CIAO1: variants seen among roughly 807,000 people sequenced by gnomAD.
The protein encoded by CIAO1 is probable cytosolic iron-sulfur protein assembly protein CIAO1.
In CIAO1, 32 loss-of-function variants were observed where a neutral mutation model predicts 43.1. The observed-to-expected ratio is 0.74, with a 90% CI of 0.56 to 1.00. The LOEUF (loss-of-function observed/expected upper bound fraction) is 1.00. Among genes scored for constraint, CIAO1 ranks in the 50% least tolerant of loss-of-function variants. The pLI, the probability that CIAO1 is intolerant of heterozygous loss-of-function variation, is 0.00. For synonymous variants in CIAO1, 183 were observed against 171.4 expected, an observed-to-expected ratio of 1.07 and a Z score of -0.53; for missense variants, 415 against 437.4, an observed-to-expected ratio of 0.95 and a Z score of 0.46.
chr2:96,267,986 T>C (rs1362228674), intron 4 of CIAO1, 62 bp downstream of exon 4: 1 of 1,343,710 alleles, frequency 7.4e-7, no homozygotes, highest in Non-Finnish European at 1.1e-6. Flanking sequence ...TGCCCAGCCT[T>C]CCTCTGCTTT....
intron 4 of CIAO1, 81 bp downstream of exon 4, chr2:96,268,005 A>T (rs1684471386): frequency 8.6e-7 from 1 of 1,162,620 alleles, no homozygotes; most frequent in East Asian, 2.3e-5. Flanking sequence ...TTTCAGCCTT[A>T]ATCTAGCTTT....
In CIAO1 at chr2:96,268,807, GT is replaced by G. The variant is rs2104316920; in HGVS notation, c.691+153del. 3 of 716,078 alleles carry G rather than the reference GT, an allele frequency of 4.2e-6. No individual in the cohort carries two copies. In the South Asian group the frequency reaches 5.6e-5, roughly 13 times the overall value. The allele number at this position is 716,078 out of a possible 1,614,324, so 44.4% of individuals were successfully genotyped here. A position where few individuals can be genotyped will look rare whatever the true frequency, so the allele number is the denominator to read the frequency against. On this transcript the variant is annotated intron_variant, in intron 5 of 6. Coordinates refer to ENST00000488633, the MANE Select transcript of CIAO1 (RefSeq NM_004804.3). ...ATAGAGTGCTGGAAGAATCAGGAAA[GT>G]TTTGTAGAATGGGTTGTTTCATCTG...
chr2:96,269,490 C>T, intron 6 of CIAO1, 135 bp downstream of exon 6: 2 of 765,058 alleles, frequency 2.6e-6, no homozygotes, highest in Non-Finnish European at 4.5e-6. Context: ...CCTTATCAGG[C>T]CTGACTCTAC....
chr2:96,266,528 GGCTCAGCCTGCGCGTAGTGCAGGC>G (rs746874378), intron 1 of CIAO1, 39 bp downstream of exon 1: 63 of 1,388,130 alleles, frequency 4.5e-5, no homozygotes, highest in East Asian at 2.5e-4. Context: ...CAGCGCTGAG[GGCTCAGCCTGCGCGTAGTGCAGGC>G]GCTCAGCCTG....
At chr2:96,268,366 A>G (rs966193452) in intron 4 of CIAO1, 91 bp from the exon 5 acceptor site, 14 of 1,082,964 alleles carry the variant, frequency 1.3e-5, no homozygotes, top group Admixed American at 2.0e-5. Flanking sequence ...AAATAATAAA[A>G]TAAAATAAAA....
intron 5 of CIAO1, chr2:96,268,869 T>C (rs1247530236): frequency 2.1e-5 from 12 of 583,304 alleles, no homozygotes; most frequent in Non-Finnish European, 3.6e-5. Flanking sequence ...AACATGAGAA[T>C]TTCACGTGAG....
In CIAO1 at chr2:96,269,331, C is replaced by T. The variant is rs1293491396; in HGVS notation, c.755C>T (p.Ser252Leu). ...ATCTGTACTTTGTCCGGCTTCCACT[C>T]AAGGACCATTTATGACATTGCTTGG... Reference protein sequence around the residue: ...KCICTLSGFHSRTIYDIAWCQ... With the variant: ...KCICTLSGFHLRTIYDIAWCQ... The change falls in exon 6 of 7, where the codon TCA (serine) becomes TTA (leucine). Residue 252 changes from serine (S) to leucine (L), a missense_variant. Transcript: ENST00000488633. 6.2e-7 allele frequency: 1 copy of T among 1,614,148 alleles called. No individual in the cohort carries two copies. The highest frequency in any genetic ancestry group is 8.5e-7 in the Non-Finnish European group (1 of 1,179,998).
rs148682902 is a variant in CIAO1 at position 96,267,639 on chromosome 2, C to T, written c.303C>T (p.Leu101=). 15,943 of 1,614,012 alleles carry T rather than the reference C, an allele frequency of 9.9e-3. 117 individuals carry two copies. Among genetic ancestry groups the T allele is most frequent in the Middle Eastern group, 0.016 (94 of 6,060 alleles). ...NQDDFECVTT[L]EGHENEVKSV... ...CCCTTTCACAGTGTGTAACCACTCT[C>T]GAGGGCCATGAAAATGAGGTCAAGT... The change falls in exon 3 of 7, where the codon CTC becomes CTT. Residue 101 remains leucine, a synonymous_variant. Transcript: ENST00000488633.
rs57198918 is a variant in CIAO1 at position 96,273,662 on chromosome 2, CAAAAAAA to C, written c.*2329_*2335del. On this transcript the variant is annotated 3_prime_UTR_variant, in exon 7 of 7. Coordinates refer to ENST00000488633, the MANE Select transcript of CIAO1 (RefSeq NM_004804.3). ...TGGGTGACAGAGCGAGACTCCATTTCAAAAAAAAAAAAAAAAAAAAAAAATCACTTGT... is the reference window on the plus strand; with the variant it reads ...TGGGTGACAGAGCGAGACTCCATTTCAAAAAAAAAAAAAAAAATCACTTGT... Among the ~76,000 whole-genome samples the C allele has an allele frequency of 0.025, 1,399 of 55,980 alleles. 39 individuals carry two copies. The highest frequency in any genetic ancestry group is 0.083 in the East Asian group (165 of 1,984). The allele number at this position is 55,980 out of a possible 152,430, so 36.7% of individuals were successfully genotyped here.
Position 96,273,052 on chromosome 2 carries a change from CCT to C in CIAO1, c.*1705_*1706del, listed in dbSNP as rs1684583723. 6.6e-6 allele frequency: 1 copy of C among 152,106 alleles called. No homozygotes were observed. The highest frequency in any genetic ancestry group is 2.1e-4 in the South Asian group (1 of 4,832). The allele number at this position is 152,106 out of a possible 1,614,324, so 9.4% of individuals were successfully genotyped here. A position where few individuals can be genotyped will look rare whatever the true frequency, so the allele number is the denominator to read the frequency against. On this transcript the variant is annotated 3_prime_UTR_variant, in exon 7 of 7. Coordinates refer to ENST00000488633, the MANE Select transcript of CIAO1 (RefSeq NM_004804.3). ...ATTTTCTGGAAATTAATGGAATGAG[CCT>C]CTCACCTCAAGGGAAACAACTGATA...
In CIAO1 at chr2:96,266,271, G is replaced by C. The variant is rs1296259948; in HGVS notation, c.-80G>C. 4 of 1,285,706 alleles carry C rather than the reference G, an allele frequency of 3.1e-6. No homozygotes were observed. Among genetic ancestry groups the C allele is most frequent in the Admixed American group, 3.8e-5 (1 of 26,508 alleles). 79.6% of individuals were successfully genotyped at this position (1,285,706 alleles called of 1,614,324 possible). A position where few individuals can be genotyped will look rare whatever the true frequency, so the allele number is the denominator to read the frequency against. ...CGGCCGCGGAAGCCTGGAGTGGGCG[G>C]TACGCAGACGCGCGCGGTGAGACCC... On this transcript the variant is annotated 5_prime_UTR_variant, in exon 1 of 7. Transcript: ENST00000488633.
At position 96,268,563 on chromosome 2, in the gene CIAO1, G is replaced by C. The variant is rs1558758582; in HGVS notation, c.596G>C (p.Ser199Thr). The C allele has an allele frequency of 6.2e-7, 1 of 1,614,088 alleles. No homozygotes were observed. Among genetic ancestry groups the C allele is most frequent in the African/African-American group, 1.3e-5 (1 of 74,928 alleles). ...TLEGHESTVW[S>T]LAFDPSGQRL... Reference sequence around the variant, plus strand: ...GAGGGCCATGAATCCACTGTGTGGAGCTTGGCCTTTGACCCGAGTGGCCAG... The same window carrying C: ...GAGGGCCATGAATCCACTGTGTGGACCTTGGCCTTTGACCCGAGTGGCCAG... The change falls in exon 5 of 7, where the codon AGC (serine) becomes ACC (threonine). Residue 199 changes from serine (S) to threonine (T), a missense_variant. By Grantham distance (58) the Ser-to-Thr change is moderately conservative. Transcript: ENST00000488633.
Position 96,273,777 on chromosome 2 carries a change from A to C in CIAO1, c.*2426A>C, listed in dbSNP as rs1242544806. ...CTTTTCCAACTGCGTATCTGTGTGA[A>C]GTCAACTTACTTCAACAAAAAAGTT... On this transcript the variant is annotated 3_prime_UTR_variant, in exon 7 of 7. Transcript: ENST00000488633. Among the ~76,000 whole-genome samples the C allele has an allele frequency of 6.6e-6, 1 of 152,194 alleles. No homozygotes were observed. The highest frequency in any genetic ancestry group is 2.4e-5 in the African/African-American group (1 of 41,436).
Position 96,272,383 on chromosome 2 carries a change from G to T in CIAO1, c.*1032G>T, listed in dbSNP as rs1684569827. 1 of 152,254 alleles carries T rather than the reference G, an allele frequency of 6.6e-6. No homozygotes were observed. Among genetic ancestry groups the T allele is most frequent in the Admixed American group, 6.5e-5 (1 of 15,288 alleles). The allele number at this position is 152,254 out of a possible 1,614,324, so 9.4% of individuals were successfully genotyped here. A position where few individuals can be genotyped will look rare whatever the true frequency, so the allele number is the denominator to read the frequency against. On this transcript the variant is annotated 3_prime_UTR_variant, in exon 7 of 7. Transcript: ENST00000488633. The stretch of plus-strand genomic sequence containing the variant: ...TCGAAGAATGCGGCCTGCAGATCCT[G>T]GGAGTCCCAAGACCCTTTCAGGGAG...
In CIAO1 at chr2:96,268,552, C is replaced by T. The variant is rs559101787; in HGVS notation, c.585C>T (p.Ser195=). 8 of 1,614,208 alleles carry T rather than the reference C, an allele frequency of 5.0e-6. No individual in the cohort carries two copies. The African/African-American group carries it at 9.3e-5, about 19-fold the overall frequency. ...GTGCCACCCTTGAGGGCCATGAATC[C>T]ACTGTGTGGAGCTTGGCCTTTGACC... ...VCCATLEGHE[S]TVWSLAFDPS... The change falls in exon 5 of 7, where the codon TCC becomes TCT. Residue 195 remains serine, a synonymous_variant. Coordinates refer to ENST00000488633, the MANE Select transcript of CIAO1 (RefSeq NM_004804.3).
Position 96,271,182 on chromosome 2 carries a change from A to G in CIAO1, c.851A>G (p.Asn284Ser), listed in dbSNP as rs761312907. 23 of 1,614,148 alleles carry G rather than the reference A, an allele frequency of 1.4e-5. No homozygotes were observed. Among genetic ancestry groups the G allele is most frequent in the Middle Eastern group, 3.3e-4 (2 of 6,062 alleles). Residue 284 changes from asparagine to serine, a missense_variant, in exon 7 of 7, where the codon AAC (asparagine) becomes AGC (serine). Asn to Ser is a conservative substitution (Grantham distance 46). Transcript: ENST00000488633. The stretch of plus-strand genomic sequence containing the variant: ...ATCCGCGTGTTTCAGGAGGATCCCA[A>G]CTCGGATCCACAGCAGCCCACCTTC... ...DAIRVFQEDP[N>S]SDPQQPTFSL...
At chr2:96,268,940 A>G (rs1036013836) in intron 5 of CIAO1, 7 of 565,988 alleles carry the variant, frequency 1.2e-5, no homozygotes, top group Non-Finnish European at 2.2e-5. Flanking sequence ...GCTTAGACTG[A>G]GGGGTGGTAA....
At chr2:96,267,785 T>G in intron 3 of CIAO1, 49 bp downstream of exon 3, 2 of 1,611,350 alleles carry the variant, frequency 1.2e-6, no homozygotes, top group Non-Finnish European at 1.7e-6. Context: ...GACAGCCCCC[T>G]CTGTGTCCCT....
At chr2:96,269,782 G>T (rs1198980488) in intron 6 of CIAO1, among the ~76,000 whole-genome samples, 1 of 152,086 alleles carries the variant, frequency 6.6e-6, no homozygotes, top group Admixed American at 6.5e-5. Context: ...CAAGTAGCTG[G>T]GATTACAGGC....
Sources: allele counts gnomAD v4.1 joint callset (sites outside exome capture counted in the v4.1 genomes callset), GRCh38; gene constraint gnomAD v4.1.1; transcripts MANE v1.5; gene names NCBI Gene and HGNC (gene_info 2026-07-23, HGNC 2026-07-21).